Variants in GPBP1 observed in about 807,000 individuals in gnomAD.
The protein encoded by GPBP1 is GC-rich promoter binding protein 1.
Under a neutral mutation model 56.5 loss-of-function variants are expected in GPBP1, and 13 were observed. That is an observed-to-expected ratio of 0.23 (90% CI 0.15 to 0.37). The LOEUF (loss-of-function observed/expected upper bound fraction) is 0.37, where lower values mean the gene tolerates loss of function less well. Ranked by LOEUF, GPBP1 falls within the 10% of genes least tolerant of loss-of-function variation. The pLI, the probability that GPBP1 is intolerant of heterozygous loss-of-function variation, is 1.00. For missense variants in GPBP1, 477 were observed against 572.3 expected (o/e 0.83, Z 1.70); for synonymous variants, 204 against 188.9 (o/e 1.08, Z -0.66).
chr5:57,199,692 C>G (rs1013764423), intron 2 of GPBP1, among the ~76,000 whole-genome samples: 1 of 152,132 alleles, frequency 6.6e-6, no homozygotes, highest in African/African-American at 2.4e-5. Flanking sequence ...TGTCCCTCCC[C>G]CTGAGATTTA....
At position 57,198,652 on chromosome 5, in the gene GPBP1, G is replaced by C. The variant is rs564870894; in HGVS notation, c.-57-15422G>C. ...TTGCTTGAGGTCAAGAGTTCGAGAC[G>C]AGCCTGGCCAACATGGTACAACCTT... On this transcript the variant is annotated intron_variant, in intron 2 of 11. Coordinates refer to ENST00000506184, the MANE Select transcript of GPBP1 (RefSeq NM_022913.4). Among the ~76,000 whole-genome samples, 483 of 151,698 alleles carry C rather than the reference G, an allele frequency of 3.2e-3. 5 individuals carry two copies. Among genetic ancestry groups the C allele is most frequent in the African/African-American group, 0.011 (459 of 41,166 alleles).
In GPBP1 at chr5:57,247,223, A is replaced by G. The variant is rs374176412; in HGVS notation, c.804+8A>G. On this transcript the variant is annotated splice_region_variant and intron_variant, in intron 8 of 11. Transcript: ENST00000506184. ...ACAAATTCAGTGAAAGAGGTATGAC[A>G]TTAAAAATCACACTTGAGGAATGTA... 36 of 1,602,946 alleles carry G rather than the reference A, an allele frequency of 2.2e-5. No homozygotes were observed. The Middle Eastern group carries it at 5.0e-4, about 22-fold the overall frequency.
chr5:57,201,346 A>C (rs1335174623), intron 2 of GPBP1, among the ~76,000 whole-genome samples: 2 of 151,998 alleles, frequency 1.3e-5, no homozygotes, highest in Non-Finnish European at 2.9e-5. Flanking sequence ...TGCCCATGCC[A>C]CACAGGAGAT....
At chr5:57,224,090 A>G (rs190030989) in intron 3 of GPBP1, among the ~76,000 whole-genome samples, 8 of 151,140 alleles carry the variant, frequency 5.3e-5, no homozygotes, top group Non-Finnish European at 1.2e-4. Flanking sequence ...GCCTCGGCCT[A>G]CCAAAGTGCT....
At chr5:57,247,609 G>A (rs1220301607) in intron 8 of GPBP1, among the ~76,000 whole-genome samples, 3 of 152,126 alleles carry the variant, frequency 2.0e-5, no homozygotes, top group Non-Finnish European at 4.4e-5. Context: ...ACCTGAGCCT[G>A]GGAATGTCAA....
At chr5:57,220,711 C>T (rs138763789) in intron 3 of GPBP1, among the ~76,000 whole-genome samples, 26 of 152,196 alleles carry the variant, frequency 1.7e-4, no homozygotes, top group African/African-American at 5.1e-4. Context: ...CAACCTGACT[C>T]GGCCTCTCAT....
chr5:57,220,741 C>T (rs1049410555), intron 3 of GPBP1, among the ~76,000 whole-genome samples: 38 of 152,084 alleles, frequency 2.5e-4, no homozygotes, highest in South Asian at 1.7e-3. Flanking sequence ...ATTACAGGCA[C>T]GAGCCACTGC....
intron 2 of GPBP1, among the ~76,000 whole-genome samples, chr5:57,176,873 T>G (rs1261158842): frequency 6.6e-6 from 1 of 152,236 alleles, no homozygotes; most frequent in Non-Finnish European, 1.5e-5. Flanking sequence ...GTTACATAGT[T>G]TGGTTATATT....
At chr5:57,239,330 T>G (rs184089957) in intron 6 of GPBP1, among the ~76,000 whole-genome samples, 1 of 152,346 alleles carries the variant, frequency 6.6e-6, no homozygotes, top group East Asian at 1.9e-4. Context: ...TGCATTTCTT[T>G]AAGCATGTTC....
intron 2 of GPBP1, among the ~76,000 whole-genome samples, chr5:57,193,459 C>T (rs947923199): frequency 2.0e-5 from 3 of 151,394 alleles, no homozygotes; most frequent in African/African-American, 7.3e-5. Flanking sequence ...CAAAAAAATA[C>T]AAAAACGACC....
At chr5:57,221,412 A>G (rs1236481460) in intron 3 of GPBP1, 1 of 1,481,526 alleles carries the variant, frequency 6.7e-7, no homozygotes, top group East Asian at 2.5e-5. Flanking sequence ...TATTACTGAA[A>G]GAATATTGAA....
At chr5:57,249,356 T>G in intron 8 of GPBP1, 53 bp from the exon 9 acceptor site, 5 of 1,374,200 alleles carry the variant, frequency 3.6e-6, no homozygotes, top group Non-Finnish European at 5.0e-6. Context: ...AATTTTATGT[T>G]GACATTGATT....
intron 2 of GPBP1, among the ~76,000 whole-genome samples, chr5:57,200,654 A>G (rs1337272303): frequency 6.6e-6 from 1 of 151,950 alleles, no homozygotes; most frequent in African/African-American, 2.4e-5. Flanking sequence ...GGTGTCAGCC[A>G]CTGCGCCTGG....
chr5:57,203,912 A>G (rs980312834), intron 2 of GPBP1, among the ~76,000 whole-genome samples: 7 of 152,208 alleles, frequency 4.6e-5, no homozygotes, highest in African/African-American at 1.2e-4. Flanking sequence ...TAGGGAAGCA[A>G]TAGAATTTTT....
At chr5:57,234,840 A>G (rs1756598731) in intron 5 of GPBP1, among the ~76,000 whole-genome samples, 1 of 151,518 alleles carries the variant, frequency 6.6e-6, no homozygotes, top group African/African-American at 2.4e-5. Context: ...TACAGCTACA[A>G]GAAACTGGAT....
chr5:57,232,213 T>G (rs975787682), intron 5 of GPBP1, among the ~76,000 whole-genome samples: 7 of 152,120 alleles, frequency 4.6e-5, no homozygotes, highest in African/African-American at 1.4e-4. Context: ...GTCTTGAACT[T>G]CTGGCCTCAA....
chr5:57,225,993 G>A (rs1008614553), intron 3 of GPBP1, among the ~76,000 whole-genome samples: 1 of 152,346 alleles, frequency 6.6e-6, no homozygotes, highest in South Asian at 2.1e-4. Flanking sequence ...TGAGGCTCCA[G>A]TTACTTTGAG....
intron 2 of GPBP1, among the ~76,000 whole-genome samples, chr5:57,204,042 C>G (rs1755127285): frequency 6.6e-6 from 1 of 152,128 alleles, no homozygotes; most frequent in Admixed American, 6.6e-5. Context: ...GATTTCTATG[C>G]AATGCTTAAG....
intron 2 of GPBP1, among the ~76,000 whole-genome samples, chr5:57,198,687 A>G (rs1289598228): frequency 6.6e-6 from 1 of 152,088 alleles, no homozygotes; most frequent in Non-Finnish European, 1.5e-5. Flanking sequence ...TGTCTCTATT[A>G]AAAATACAAA....
Sources: gnomAD v4.1 joint callset for allele counts (sites outside exome capture counted in the v4.1 genomes callset) on GRCh38, gnomAD v4.1.1 for gene constraint, MANE v1.5 for transcripts, NCBI Gene and HGNC (gene_info 2026-07-23, HGNC 2026-07-21) for gene names.